Variants in XYLT1 observed in about 807,000 individuals in gnomAD.
XYLT1 encodes beta-D-xylosyltransferase 1.
XYLT1 carries 36 observed loss-of-function variants against 91.3 expected under a neutral mutation model. That is an observed-to-expected ratio of 0.39 (90% confidence interval 0.30 to 0.52). XYLT1 has a LOEUF of 0.52. Among genes scored for constraint, XYLT1 ranks in the 20% least tolerant of loss-of-function variants. The pLI, the probability that XYLT1 is intolerant of heterozygous loss-of-function variation, is 0.68. For synonymous variants in XYLT1, 588 were observed against 532.0 expected, an observed-to-expected ratio of 1.11 and a Z score of -1.45; for missense variants, 1,242 against 1,284.5, an observed-to-expected ratio of 0.97 and a Z score of 0.51.
intron 1 of XYLT1, among the ~76,000 whole-genome samples, chr16:17,379,763 T>TCTTTCTCACA (rs373354877): frequency 4.0e-5 from 5 of 125,546 alleles, no homozygotes; most frequent in African/African-American, 1.6e-4. Flanking sequence ...TCTCTCTCTC[T>TCTTTCTCACA]CACACACACA....
At chr16:17,288,054 C>T (rs928034931) in intron 2 of XYLT1, among the ~76,000 whole-genome samples, 13 of 151,472 alleles carry the variant, frequency 8.6e-5, no homozygotes, top group African/African-American at 3.1e-4. Context: ...CTCAGCCTCC[C>T]GAGTAAATGA....
chr16:17,258,864 A>T lies in XYLT1; in HGVS notation c.913+124T>A. 7 of 1,207,940 alleles carry T rather than the reference A, an allele frequency of 5.8e-6. No individual in the cohort carries two copies. The South Asian group carries it at 1.1e-4, about 19-fold the overall frequency. The allele number at this position is 1,207,940 out of a possible 1,614,324, so 74.8% of individuals were successfully genotyped here. The stretch of plus-strand genomic sequence containing the variant: ...AGAACACATCAGATCTCGTGTGCTC[A>T]TCTGGGGTTTGGAAAACAGGGTGGC... On this transcript the variant is annotated intron_variant, in intron 3 of 11. Transcript: ENST00000261381.
At chr16:17,140,831 G>A (rs977589792) in intron 7 of XYLT1, among the ~76,000 whole-genome samples, 1 of 152,128 alleles carries the variant, frequency 6.6e-6, no homozygotes, top group Admixed American at 6.6e-5. Flanking sequence ...TAGCCATAAG[G>A]TTCTTGTTCT....
At chr16:17,349,930 G>A (rs2035196826) in intron 2 of XYLT1, among the ~76,000 whole-genome samples, 1 of 151,854 alleles carries the variant, frequency 6.6e-6, no homozygotes, top group South Asian at 2.1e-4. Flanking sequence ...CTGGAGTGCA[G>A]TGGTGCAATC....
intron 1 of XYLT1, among the ~76,000 whole-genome samples, chr16:17,379,590 G>A (rs1301139412): frequency 6.6e-6 from 1 of 152,158 alleles, no homozygotes; most frequent in Admixed American, 6.5e-5. Flanking sequence ...GGGGGTAGCT[G>A]GGGGTAGAGG....
At chr16:17,337,785 T>C (rs1227096171) in intron 2 of XYLT1, among the ~76,000 whole-genome samples, 1 of 145,874 alleles carries the variant, frequency 6.9e-6, no homozygotes, top group African/African-American at 2.5e-5. Context: ...CTTTTTCTTT[T>C]TTTTTTTTTT....
In XYLT1 at chr16:17,275,973, T is replaced by C. The variant is rs189819815; in HGVS notation, c.403-16475A>G. ...AGAGACATAAATAAGGAGAGGCGCC[T>C]GTAAATAAATAAATATAGATGCACA... is the stretch of plus-strand genomic sequence containing the variant. On this transcript the variant is annotated intron_variant, in intron 2 of 11. Coordinates refer to ENST00000261381, the MANE Select transcript of XYLT1 (RefSeq NM_022166.4). Among the ~76,000 whole-genome samples the C allele has an allele frequency of 4.8e-3, 726 of 152,182 alleles. 31 individuals carry two copies. Among genetic ancestry groups the C allele is most frequent in the Admixed American group, 0.044 (665 of 15,274 alleles).
At chr16:17,342,681 C>T (rs1189597824) in intron 2 of XYLT1, among the ~76,000 whole-genome samples, 3 of 152,078 alleles carry the variant, frequency 2.0e-5, no homozygotes, top group Non-Finnish European at 4.4e-5. Context: ...GAGATCGCAC[C>T]ATTGCACTCC....
intron 3 of XYLT1, among the ~76,000 whole-genome samples, chr16:17,248,746 T>A (rs996552393): frequency 2.3e-4 from 9 of 38,972 alleles, no homozygotes; most frequent in Non-Finnish European, 4.5e-4. Flanking sequence ...TACATGTGAA[T>A]TTTTTTTTTT....
At chr16:17,461,602 GGATA>G (rs1481546310) in intron 1 of XYLT1, among the ~76,000 whole-genome samples, 7 of 152,172 alleles carry the variant, frequency 4.6e-5, no homozygotes, top group African/African-American at 7.2e-5. Context: ...ATGAATGGAC[GGATA>G]GATGGATGGA....
intron 1 of XYLT1, among the ~76,000 whole-genome samples, chr16:17,457,012 G>GT (rs1411341146): frequency 6.6e-6 from 1 of 152,060 alleles, no homozygotes; most frequent in Non-Finnish European, 1.5e-5. Flanking sequence ...CATCTTGTGG[G>GT]TAACACAGAC....
chr16:17,410,752 C>T (rs747151131), intron 1 of XYLT1, among the ~76,000 whole-genome samples: 1 of 150,158 alleles, frequency 6.7e-6, no homozygotes, highest in Non-Finnish European at 1.5e-5. Flanking sequence ...AAGCGATTAT[C>T]CTGCCTCAGC....
intron 2 of XYLT1, 35 bp from the exon 3 acceptor site, chr16:17,259,533 T>C: frequency 6.3e-7 from 1 of 1,591,188 alleles, no homozygotes; most frequent in Non-Finnish European, 8.5e-7. Flanking sequence ...AAGAGAAACT[T>C]GACTGAGAGA....
intron 10 of XYLT1, among the ~76,000 whole-genome samples, chr16:17,125,375 A>G (rs2030223522): frequency 6.6e-6 from 1 of 152,008 alleles, no homozygotes; most frequent in Non-Finnish European, 1.5e-5. Flanking sequence ...CTATCTTTCC[A>G]TTGCATTTAA....
intron 1 of XYLT1, among the ~76,000 whole-genome samples, chr16:17,465,721 C>T (rs752878586): frequency 7.9e-5 from 12 of 152,156 alleles, no homozygotes; most frequent in Non-Finnish European, 1.5e-4. Flanking sequence ...TGGATTTACT[C>T]GCACCCTACA....
At chr16:17,308,965 C>T (rs1009119113) in intron 2 of XYLT1, among the ~76,000 whole-genome samples, 8 of 150,754 alleles carry the variant, frequency 5.3e-5, no homozygotes, top group African/African-American at 1.7e-4. Flanking sequence ...AAAAGAGGAA[C>T]GTAAACGTGA....
chr16:17,373,516 A>G (rs916166158), intron 1 of XYLT1, among the ~76,000 whole-genome samples: 7 of 152,232 alleles, frequency 4.6e-5, no homozygotes, highest in Non-Finnish European at 1.0e-4. Flanking sequence ...CTCCAGCCAC[A>G]CACTTTTAAG....
At chr16:17,333,406 C>T (rs529506520) in intron 2 of XYLT1, among the ~76,000 whole-genome samples, 15 of 152,092 alleles carry the variant, frequency 9.9e-5, no homozygotes, top group Admixed American at 2.6e-4. Context: ...TCAGTTGGAA[C>T]TGGCTGCATT....
intron 1 of XYLT1, among the ~76,000 whole-genome samples, chr16:17,455,940 T>C (rs2036735902): frequency 2.0e-5 from 3 of 152,236 alleles, no homozygotes; most frequent in African/African-American, 7.2e-5. Context: ...ATTAATTATT[T>C]TTTCTCACCG....
Sources: allele counts gnomAD v4.1 joint callset (sites outside exome capture counted in the v4.1 genomes callset), GRCh38; gene constraint gnomAD v4.1.1; transcripts MANE v1.5; gene names NCBI Gene and HGNC (gene_info 2026-07-23, HGNC 2026-07-21).